The following TMC1 variants were observed in gnomAD, a reference collection of about 807,000 sequenced individuals.
The protein encoded by TMC1 is transmembrane channel like 1, also known as transmembrane channel-like protein 1.
TMC1 carries 84 observed loss-of-function variants against 105.8 expected under a neutral mutation model. That is an observed-to-expected ratio of 0.79 (90% CI 0.67 to 0.95). The LOEUF is 0.95. TMC1 is among the 40% of genes least tolerant of loss of function. The pLI is 0.00. For missense variants in TMC1, 817 were observed against 914.1 expected, an observed-to-expected ratio of 0.89 and a Z score of 1.37; for synonymous variants, 315 against 311.5, an observed-to-expected ratio of 1.01 and a Z score of -0.12.
intron 12 of TMC1, among the ~76,000 whole-genome samples, chr9:72,772,150 A>G (rs561435050): frequency 4.9e-4 from 75 of 152,286 alleles, no homozygotes; most frequent in African/African-American, 1.8e-3. Flanking sequence ...TTTCACGGTA[A>G]TGGCTCCACA....
chr9:72,700,492 A>G, intron 7 of TMC1, 26 bp from the exon 8 acceptor site: 3 of 1,556,090 alleles, frequency 1.9e-6, no homozygotes, highest in Non-Finnish European at 2.6e-6. Context: ...TAACTTTATT[A>G]AGGTGTTTCT....
intron 11 of TMC1, among the ~76,000 whole-genome samples, chr9:72,753,962 G>A (rs1426049637): frequency 3.3e-5 from 5 of 152,178 alleles, no homozygotes; most frequent in Non-Finnish European, 7.3e-5. Flanking sequence ...TGTGCAGCTT[G>A]TGCACAGGGA....
rs768736139 is a variant in TMC1, at chr9:72,805,473, G to T, written c.1658G>T (p.Cys553Phe). 1.2e-6 allele frequency: 2 copies of T among 1,613,128 alleles called. No homozygotes were observed. Among genetic ancestry groups the T allele is most frequent in the Non-Finnish European group, 1.7e-6 (2 of 1,179,774 alleles). ...CTAAGGGCATGTTTTGTGAGGTTTT[G>T]CAATTATTGCTGGTGCTGGGACTTG... ...DFLRACFVRF[C>F]NYCWCWDLEY... Residue 553 changes from cysteine (C) to phenylalanine (F), a missense_variant, in exon 18 of 24, where the codon TGC (cysteine) becomes TTC (phenylalanine). By Grantham distance (205) the Cys-to-Phe change is radical. Coordinates refer to ENST00000297784, the MANE Select transcript of TMC1 (RefSeq NM_138691.3).
intron 2 of TMC1, among the ~76,000 whole-genome samples, chr9:72,613,219 C>T (rs1364034778): frequency 6.6e-6 from 1 of 151,106 alleles, no homozygotes; most frequent in African/African-American, 2.4e-5. Flanking sequence ...GCAACCTCCG[C>T]CTCCCGGGTT....
chr9:72,667,505 C>T (rs772226090), intron 5 of TMC1, among the ~76,000 whole-genome samples: 17 of 152,110 alleles, frequency 1.1e-4, no homozygotes, highest in Non-Finnish European at 2.4e-4. Flanking sequence ...GTATATATAC[C>T]TTTTACAATT....
chr9:72,702,955 C>T (rs989425728), intron 8 of TMC1, among the ~76,000 whole-genome samples: 6 of 151,894 alleles, frequency 4.0e-5, no homozygotes, highest in African/African-American at 7.3e-5. Context: ...ATAAGGAGAC[C>T]GCACCTGACT....
At chr9:72,788,307 T>A in intron 13 of TMC1, 32 bp from the exon 14 acceptor site, 3 of 1,613,842 alleles carry the variant, frequency 1.9e-6, no homozygotes, top group Non-Finnish European at 2.5e-6. Flanking sequence ...TCATTTTTTC[T>A]GGCTGCTGGG....
At chr9:72,797,748 C>G (rs1378258811) in intron 17 of TMC1, among the ~76,000 whole-genome samples, 1 of 151,972 alleles carries the variant, frequency 6.6e-6, no homozygotes, top group East Asian at 1.9e-4. Context: ...AATGTAAAAC[C>G]CAAAACTATG....
intron 5 of TMC1, among the ~76,000 whole-genome samples, chr9:72,668,595 C>A (rs1826080247): frequency 6.6e-6 from 1 of 152,124 alleles, no homozygotes. Flanking sequence ...TAACTAGAAC[C>A]CTTTGCCATC....
chr9:72,793,875 T>C (rs886502343), intron 17 of TMC1, among the ~76,000 whole-genome samples: 2 of 152,112 alleles, frequency 1.3e-5, no homozygotes, highest in African/African-American at 4.8e-5. Context: ...GAATTATCGA[T>C]CAAGTAGCAG....
intron 18 of TMC1, among the ~76,000 whole-genome samples, chr9:72,814,806 A>C (rs1364674165): frequency 6.6e-6 from 1 of 151,894 alleles, no homozygotes; most frequent in Non-Finnish European, 1.5e-5. Flanking sequence ...GTTTTGTTGG[A>C]GTTCCAAATC....
rs538036194 is a variant in TMC1, at chr9:72,633,870, A to C, written c.-53+5807A>C. On this transcript the variant is annotated intron_variant, in intron 4 of 23. Coordinates refer to ENST00000297784, the MANE Select transcript of TMC1 (RefSeq NM_138691.3). ...CTACATGGAAACAACATCCGATCCC[A>C]TGGACTAAAAGCTCAGTCTCATAAG... Among the ~76,000 whole-genome samples, 4 of 152,306 alleles carry C rather than the reference A, an allele frequency of 2.6e-5. No homozygotes were observed. The East Asian group carries it at 7.7e-4, about 29-fold the overall frequency.
Position 72,820,922 on chromosome 9 carries a change from C to CCGTT in TMC1, c.1845_1848dup (p.Met617ArgfsTer8), listed in dbSNP as rs747996231. ...ACATCCATGTACTTCCAGTGCTGGGCCGTTATGTGCTGCAATGTTCCTGAG... is the reference window on the plus strand; with the variant it reads ...ACATCCATGTACTTCCAGTGCTGGGCCGTTCGTTATGTGCTGCAATGTTCCTGAG... On this transcript the variant is annotated frameshift_variant, in exon 20 of 24. Coordinates refer to ENST00000297784, the MANE Select transcript of TMC1 (RefSeq NM_138691.3). LOFTEE classifies it high-confidence loss of function. 1 of 1,614,170 alleles carries CCGTT rather than the reference C, an allele frequency of 6.2e-7. No homozygotes were observed. Among genetic ancestry groups the CCGTT allele is most frequent in the South Asian group, 1.1e-5 (1 of 91,082 alleles).
At chr9:72,761,055 A>G (rs1025907804) in intron 12 of TMC1, among the ~76,000 whole-genome samples, 1 of 152,198 alleles carries the variant, frequency 6.6e-6, no homozygotes, top group Admixed American at 6.5e-5. Flanking sequence ...AAATATTCTT[A>G]TTGAGTGCAT....
intron 18 of TMC1, chr9:72,808,842 C>A: frequency 6.6e-6 from 1 of 152,184 alleles, no homozygotes; most frequent in East Asian, 1.9e-4. Context: ...TGGATGAGTC[C>A]AACAGTTAGG....
rs1266071857 is a variant in TMC1, at chr9:72,805,374, C to A, written c.1567-8C>A. 7.4e-6 allele frequency: 12 copies of A among 1,613,448 alleles called. No individual in the cohort carries two copies. The highest frequency in any genetic ancestry group is 1.0e-5 in the Non-Finnish European group (12 of 1,179,608). On this transcript the variant is annotated splice_polypyrimidine_tract_variant and splice_region_variant and intron_variant, in intron 17 of 23. Transcript: ENST00000297784. ...CTGTGTGTTTTAATAGAGATAATAT[C>A]TCAACAGGAGTTTGTGAGGCTGACA...
intron 23 of TMC1, 47 bp downstream of exon 23, chr9:72,830,729 T>A: frequency 2.0e-6 from 3 of 1,508,946 alleles, no homozygotes; most frequent in Non-Finnish European, 2.7e-6. Flanking sequence ...TTTCTTTTTC[T>A]TTTTCTTTCT....
chr9:72,542,969 G>A (rs904968225), intron 1 of TMC1, among the ~76,000 whole-genome samples: 7 of 152,152 alleles, frequency 4.6e-5, no homozygotes, highest in Admixed American at 2.6e-4. Flanking sequence ...ATGAGCCACC[G>A]CACCCAGCTA....
chr9:72,834,912 C>T (rs892330374), intron 23 of TMC1, among the ~76,000 whole-genome samples: 1 of 152,018 alleles, frequency 6.6e-6, no homozygotes, highest in Non-Finnish European at 1.5e-5. Context: ...TGTATTGGTT[C>T]CTTACTTCCA....
Sources: allele counts gnomAD v4.1 joint callset (sites outside exome capture counted in the v4.1 genomes callset), GRCh38; gene constraint gnomAD v4.1.1; transcripts MANE v1.5; gene names NCBI Gene and HGNC (gene_info 2026-07-23, HGNC 2026-07-21).